ZNF493: variants seen among roughly 807,000 people sequenced by gnomAD.
ZNF493 encodes zinc finger protein 493.
In ZNF493, 11 loss-of-function variants were observed where a neutral mutation model predicts 12.2. That is an observed-to-expected ratio of 0.90 (90% confidence interval 0.57 to 1.50). ZNF493 has a LOEUF of 1.50. Among genes scored for constraint, ZNF493 ranks in the 40% most tolerant of loss-of-function variants. The pLI is 0.00. For synonymous variants in ZNF493, 286 were observed against 302.6 expected, an observed-to-expected ratio of 0.95 and a Z score of 0.57; for missense variants, 950 against 906.6, an observed-to-expected ratio of 1.05 and a Z score of -0.61.
At chr19:21,408,878 TTTC>T (rs1244942215) in intron 3 of ZNF493, 3 of 850,498 alleles carry the variant, frequency 3.5e-6, no homozygotes, top group African/African-American at 2.7e-5. Context: ...TCTTTCTTTC[TTTC>T]TTTTTTTTTT....
In ZNF493 at chr19:21,408,614, A is replaced by C. The variant is rs968003885; in HGVS notation, c.253+2758A>C. On this transcript the variant is annotated intron_variant, in intron 3 of 3. Coordinates refer to ENST00000392288, the MANE Select transcript of ZNF493 (RefSeq NM_001076678.3). ...ATGGTATATTAATGTTGCATACCAAATTGTATGAGTTAAACGTCTCTTCCT... is the reference window on the plus strand; with the variant it reads ...ATGGTATATTAATGTTGCATACCAACTTGTATGAGTTAAACGTCTCTTCCT... The C allele has an allele frequency of 4.1e-6, 4 of 984,948 alleles. No homozygotes were observed. In the African/African-American group the frequency reaches 7.0e-5, roughly 17 times the overall value. 61.0% of individuals were successfully genotyped at this position (984,948 alleles called of 1,614,324 possible). A position where few individuals can be genotyped will look rare whatever the true frequency, so the allele number is the denominator to read the frequency against.
rs2030749427 is a variant in ZNF493 at position 21,423,529 on chromosome 19, G to A, written c.870G>A (p.Glu290=). The change falls in exon 4 of 4, where the codon GAG becomes GAA. Residue 290 remains glutamate, a synonymous_variant. Transcript: ENST00000392288. The stretch of plus-strand genomic sequence containing the variant: ...GGCATAAGCTAATTCATACTAGAGA[G>A]AAACCCTATAAATGTGAACAATATG... ...LTRHKLIHTR[E]KPYKCEQYGK... 2 of 1,613,710 alleles carry A rather than the reference G, an allele frequency of 1.2e-6. No homozygotes were observed. The highest frequency in any genetic ancestry group is 1.7e-6 in the Non-Finnish European group (2 of 1,179,852).
rs530968801 is a variant in ZNF493, at chr19:21,423,747, A to G, written c.1088A>G (p.His363Arg). ...EYCKAYKESS[H>R]LTTHKRIHTG... ...TGCAAAGCTTATAAGGAGTCCTCAC[A>G]CCTTACTACACATAAAAGAATTCAT... Residue 363 changes from histidine (H) to arginine (R), a missense_variant, in exon 4 of 4, where the codon CAC (histidine) becomes CGC (arginine). His to Arg is a conservative substitution (Grantham distance 29). Transcript: ENST00000392288. 22 of 1,612,854 alleles carry G rather than the reference A, an allele frequency of 1.4e-5. No individual in the cohort carries two copies. The South Asian group carries it at 1.8e-4, about 13-fold the overall frequency.
At chr19:21,418,546 C>T (rs183236903) in intron 3 of ZNF493, among the ~76,000 whole-genome samples, 3 of 152,262 alleles carry the variant, frequency 2.0e-5, no homozygotes, top group Non-Finnish European at 2.9e-5. Flanking sequence ...GAGACCACCT[C>T]GGTCAGGGAG....
rs60038018 is a variant in ZNF493, at chr19:21,410,060, GTATATATATA to G, written c.253+4226_253+4235del. On this transcript the variant is annotated intron_variant, in intron 3 of 3. Coordinates refer to ENST00000392288, the MANE Select transcript of ZNF493 (RefSeq NM_001076678.3). The stretch of plus-strand genomic sequence containing the variant: ...AAGACTGAATAATATTTCATTGTGT[GTATATATATA>G]TATATATATATATATATATATGCAA... Among the ~76,000 whole-genome samples the G allele has an allele frequency of 5.5e-4, 24 of 43,960 alleles. 1 individual carries two copies. The highest frequency in any genetic ancestry group is 1.2e-3 in the South Asian group (2 of 1,698). The allele number at this position is 43,960 out of a possible 152,430, so 28.8% of individuals were successfully genotyped here.
At position 21,425,099 on chromosome 19, in the gene ZNF493, C is replaced by G. The variant is rs1413510571; in HGVS notation, c.*115C>G. 2.4e-6 allele frequency: 3 copies of G among 1,236,640 alleles called. No homozygotes were observed. The highest frequency in any genetic ancestry group is 1.5e-5 in the African/African-American group (1 of 66,694). The allele number at this position is 1,236,640 out of a possible 1,614,324, so 76.6% of individuals were successfully genotyped here. On this transcript the variant is annotated 3_prime_UTR_variant, in exon 4 of 4. Transcript: ENST00000392288. ...AGATAATTAATGCTGGAGAGAAACC[C>G]TACAAATGTGAAGAATGTGGCAAAG...
intron 3 of ZNF493, among the ~76,000 whole-genome samples, chr19:21,406,530 C>G (rs1266474109): frequency 1.3e-5 from 2 of 152,098 alleles, no homozygotes; most frequent in Non-Finnish European, 2.9e-5. Flanking sequence ...GGGGGACACA[C>G]AAATATCTGC....
At chr19:21,414,669 A>G (rs1208924571) in intron 3 of ZNF493, 1 of 152,252 alleles carries the variant, frequency 6.6e-6, no homozygotes, top group Non-Finnish European at 1.5e-5. Context: ...CAGAAATCAC[A>G]TTAATAGGCA....
intron 3 of ZNF493, among the ~76,000 whole-genome samples, chr19:21,406,298 G>A (rs1351831270): frequency 6.6e-6 from 1 of 151,686 alleles, no homozygotes; most frequent in Non-Finnish European, 1.5e-5. Context: ...GATTTGGGAA[G>A]CTATGTTCCA....
chr19:21,397,628 C>T (rs992966485), intron 1 of ZNF493: 26 of 484,996 alleles, frequency 5.4e-5, no homozygotes, highest in Non-Finnish European at 8.7e-5. Context: ...AGCTTTGGTC[C>T]GTGGGGTTCC....
At chr19:21,403,974 G>A (rs918131623) in intron 1 of ZNF493, among the ~76,000 whole-genome samples, 17 of 152,276 alleles carry the variant, frequency 1.1e-4, no homozygotes, top group African/African-American at 3.9e-4. Flanking sequence ...GGAAAATGTA[G>A]ATATTCAAGA....
At chr19:21,413,517 C>T in intron 3 of ZNF493, 1 of 402,528 alleles carries the variant, frequency 2.5e-6, no homozygotes, top group Non-Finnish European at 4.4e-6. Context: ...AGGTGGGTGG[C>T]TGTGTTCGAC....
chr19:21,419,274 A>G (rs1285761249), intron 3 of ZNF493, among the ~76,000 whole-genome samples: 1 of 152,012 alleles, frequency 6.6e-6, no homozygotes, highest in Non-Finnish European at 1.5e-5. Context: ...TGGATAATTG[A>G]TTGGTGTTCA....
Position 21,397,173 on chromosome 19 carries a change from ACT to A in ZNF493, c.-64_-63del. 6.3e-7 allele frequency: 1 copy of A among 1,597,604 alleles called. No individual in the cohort carries two copies. The highest frequency in any genetic ancestry group is 1.7e-5 in the Admixed American group (1 of 59,982). ...TGCCGGAGCTCCAGGTCTACCCTTC[ACT>A]GCTCTGTGTCCTCAGCGTGTGTGGC... On this transcript the variant is annotated 5_prime_UTR_variant, in exon 1 of 4. Transcript: ENST00000392288.
intron 3 of ZNF493, among the ~76,000 whole-genome samples, chr19:21,409,178 C>T (rs192327938): frequency 1.3e-5 from 2 of 152,050 alleles, no homozygotes; most frequent in Non-Finnish European, 2.9e-5. Context: ...GCCACTGCAC[C>T]CTGCCTCTTG....
chr19:21,417,147 A>G (rs979716862), intron 3 of ZNF493, among the ~76,000 whole-genome samples: 4 of 152,106 alleles, frequency 2.6e-5, no homozygotes, highest in Non-Finnish European at 4.4e-5. Flanking sequence ...GATTAGCCCA[A>G]TGTTTTCCTT....
rs191461691 is a variant in ZNF493, at chr19:21,418,486, C to T, written c.254-4427C>T. Among the ~76,000 whole-genome samples the T allele has an allele frequency of 3.5e-4, 53 of 152,270 alleles. 1 individual carries two copies. In the East Asian group the frequency reaches 7.0e-3, roughly 20 times the overall value. ...AGTTCTACATTCTCCAACCATCACT[C>T]CACTGACCTTCAACCTGGATTCGAG... On this transcript the variant is annotated intron_variant, in intron 3 of 3. Transcript: ENST00000392288.
Position 21,425,303 on chromosome 19 carries a change from C to A in ZNF493, c.*319C>A. On this transcript the variant is annotated 3_prime_UTR_variant, in exon 4 of 4. Coordinates refer to ENST00000392288, the MANE Select transcript of ZNF493 (RefSeq NM_001076678.3). The stretch of plus-strand genomic sequence containing the variant: ...AAGAATGTGACAAAGCTTTTAACCA[C>A]TTCTCAACCCTGCCTACACGTAAGA... 2.2e-6 allele frequency: 1 copy of A among 445,588 alleles called. No individual in the cohort carries two copies. The allele number at this position is 445,588 out of a possible 1,614,324, so 27.6% of individuals were successfully genotyped here.
At chr19:21,413,051 CTGAG>C (rs1350137090) in intron 3 of ZNF493, 3 of 297,916 alleles carry the variant, frequency 1.0e-5, no homozygotes, top group Non-Finnish European at 1.9e-5. Context: ...GGCACACAGA[CTGAG>C]AGGTGCAATT....
Sources: allele counts gnomAD v4.1 joint callset (sites outside exome capture counted in the v4.1 genomes callset), GRCh38; gene constraint gnomAD v4.1.1; transcripts MANE v1.5; gene names NCBI Gene and HGNC (gene_info 2026-07-23, HGNC 2026-07-21).